Variants in B3GAT2 observed in about 807,000 individuals in gnomAD.
B3GAT2 encodes the protein beta-1,3-glucuronyltransferase 2.
A neutral mutation model predicts 27.8 loss-of-function variants in B3GAT2; 26 were observed. That is an observed-to-expected ratio of 0.93 (90% CI 0.68 to 1.30). The LOEUF is 1.30. Ranked by LOEUF, B3GAT2 falls within the 50% of genes most tolerant of loss-of-function variation. The pLI is 0.00. For missense variants in B3GAT2, 458 were observed against 459.0 expected (o/e 1.00, Z 0.02); for synonymous variants, 218 against 195.1 (o/e 1.12, Z -0.98).
rs188631512 is a variant in B3GAT2 at position 70,896,532 on chromosome 6, T to A, written c.592-2260A>T. On this transcript the variant is annotated intron_variant, in intron 1 of 3. Transcript: ENST00000230053. ...AAAATTTCCTTGTGCTTTTAATCCA[T>A]TTCTCCAATCCCTTTTTATATCACC... is the stretch of plus-strand genomic sequence containing the variant. Among the ~76,000 whole-genome samples, 408 of 152,342 alleles carry A rather than the reference T, an allele frequency of 2.7e-3. 3 individuals are homozygous for A. The highest frequency in any genetic ancestry group is 8.2e-3 in the African/African-American group (342 of 41,588).
intron 1 of B3GAT2, among the ~76,000 whole-genome samples, chr6:70,899,884 T>C (rs1772467017): frequency 1.3e-5 from 2 of 152,234 alleles, no homozygotes; most frequent in Non-Finnish European, 1.5e-5. Context: ...AGTATCTTCA[T>C]GTAACTAAAA....
At chr6:70,915,489 G>A (rs1030465343) in intron 1 of B3GAT2, among the ~76,000 whole-genome samples, 1 of 152,200 alleles carries the variant, frequency 6.6e-6, no homozygotes, top group Non-Finnish European at 1.5e-5. Context: ...CCATGCCTAT[G>A]CACTGAAGGG....
chr6:70,946,292 G>A (rs1172371669), intron 1 of B3GAT2, among the ~76,000 whole-genome samples: 1 of 151,994 alleles, frequency 6.6e-6, no homozygotes, highest in East Asian at 1.9e-4. Flanking sequence ...CTTGACTGGG[G>A]ATAAAGAGTC....
At chr6:70,906,219 C>T (rs771831200) in intron 1 of B3GAT2, among the ~76,000 whole-genome samples, 2 of 152,196 alleles carry the variant, frequency 1.3e-5, no homozygotes, top group Admixed American at 1.3e-4. Flanking sequence ...AGCACTTAGA[C>T]ATTCTTAAAA....
intron 1 of B3GAT2, among the ~76,000 whole-genome samples, chr6:70,907,455 C>T (rs1772620584): frequency 6.6e-6 from 1 of 152,194 alleles, no homozygotes; most frequent in Non-Finnish European, 1.5e-5. Context: ...GATGACACCA[C>T]TGAGTCACTA....
intron 1 of B3GAT2, among the ~76,000 whole-genome samples, chr6:70,915,696 A>G (rs1007715199): frequency 3.3e-5 from 5 of 152,196 alleles, no homozygotes; most frequent in Non-Finnish European, 5.9e-5. Context: ...CAGGTTTGTC[A>G]AATATCAGAT....
intron 1 of B3GAT2, among the ~76,000 whole-genome samples, chr6:70,941,295 C>A (rs1389200785): frequency 1.3e-5 from 2 of 152,104 alleles, no homozygotes; most frequent in East Asian, 3.9e-4. Flanking sequence ...AGGGCAGTCA[C>A]CCATAGTGGA....
chr6:70,885,329 C>G (rs1401976795), intron 2 of B3GAT2, among the ~76,000 whole-genome samples: 1 of 152,144 alleles, frequency 6.6e-6, no homozygotes, highest in Non-Finnish European at 1.5e-5. Context: ...TTGCAAATCT[C>G]AATGTTACAA....
At chr6:70,890,256 C>G (rs1772265267) in intron 2 of B3GAT2, among the ~76,000 whole-genome samples, 1 of 152,098 alleles carries the variant, frequency 6.6e-6, no homozygotes. Context: ...GTCTCTTTCC[C>G]TGGCTCCCCC....
At chr6:70,923,082 T>C (rs1490946069) in intron 1 of B3GAT2, among the ~76,000 whole-genome samples, 5 of 152,208 alleles carry the variant, frequency 3.3e-5, no homozygotes, top group Non-Finnish European at 7.3e-5. Flanking sequence ...ATAAGTACCA[T>C]ATAAGTGTCT....
At chr6:70,955,666 G>A (rs930478028) in intron 1 of B3GAT2, among the ~76,000 whole-genome samples, 173 bp downstream of exon 1, 1 of 152,180 alleles carries the variant, frequency 6.6e-6, no homozygotes, top group African/African-American at 2.4e-5. Context: ...CACGGCCAGC[G>A]GAGGCTGCGG....
At chr6:70,913,664 A>G (rs1401720457) in intron 1 of B3GAT2, among the ~76,000 whole-genome samples, 1 of 152,206 alleles carries the variant, frequency 6.6e-6, no homozygotes, top group African/African-American at 2.4e-5. Context: ...CGATGAGAAG[A>G]ATGTATATTC....
intron 1 of B3GAT2, among the ~76,000 whole-genome samples, chr6:70,925,759 C>A (rs1357001562): frequency 6.6e-6 from 1 of 152,250 alleles, no homozygotes; most frequent in African/African-American, 2.4e-5. Flanking sequence ...AACCTGCAGA[C>A]TTAAACGTCC....
intron 1 of B3GAT2, among the ~76,000 whole-genome samples, chr6:70,897,670 A>C (rs201693141): frequency 2.2e-5 from 2 of 92,304 alleles, no homozygotes; most frequent in Non-Finnish European, 4.4e-5. Context: ...AAAAAAAAAA[A>C]ATATATATAT....
At chr6:70,895,822 AACTT>A (rs1178425461) in intron 1 of B3GAT2, among the ~76,000 whole-genome samples, 1 of 144,378 alleles carries the variant, frequency 6.9e-6, no homozygotes, top group Non-Finnish European at 1.5e-5. Flanking sequence ...AACTCACACT[AACTT>A]TTACAACTTT....
chr6:70,909,059 T>G (rs780278934), intron 1 of B3GAT2, among the ~76,000 whole-genome samples: 1 of 152,200 alleles, frequency 6.6e-6, no homozygotes, highest in African/African-American at 2.4e-5. Context: ...GACCAACCAT[T>G]ACTTAGGCCA....
At chr6:70,872,421 T>C (rs1467590279) in intron 2 of B3GAT2, among the ~76,000 whole-genome samples, 2 of 151,948 alleles carry the variant, frequency 1.3e-5, no homozygotes, top group African/African-American at 4.8e-5. Flanking sequence ...GTGACCCTTT[T>C]CTCATTATAA....
chr6:70,928,172 C>G (rs190678695), intron 1 of B3GAT2, among the ~76,000 whole-genome samples: 204 of 152,078 alleles, frequency 1.3e-3, no homozygotes, highest in African/African-American at 4.7e-3. Flanking sequence ...ATCTCTGGGA[C>G]ACATTCAAAG....
chr6:70,928,484 A>G (rs916320152), intron 1 of B3GAT2, among the ~76,000 whole-genome samples: 30 of 152,116 alleles, frequency 2.0e-4, no homozygotes, highest in Non-Finnish European at 1.3e-4. Flanking sequence ...AATAGATGTA[A>G]TAAGAATGAT....
Sources: gnomAD v4.1 joint callset for allele counts (sites outside exome capture counted in the v4.1 genomes callset) on GRCh38, gnomAD v4.1.1 for gene constraint, MANE v1.5 for transcripts, NCBI Gene and HGNC (gene_info 2026-07-23, HGNC 2026-07-21) for gene names.